The following ENOX1 variants were observed in gnomAD, a reference collection of about 807,000 sequenced individuals.
ENOX1 encodes the protein ecto-NOX disulfide-thiol exchanger 1, also known as candidate growth-related and time keeping constitutive hydroquinone (NADH) oxidase.
A neutral mutation model predicts 82.5 loss-of-function variants in ENOX1; 42 were observed. That is an observed-to-expected ratio of 0.51 (90% CI 0.40 to 0.66). The LOEUF (loss-of-function observed/expected upper bound fraction) is 0.66, where lower values mean the gene tolerates loss of function less well. Among genes scored for constraint, ENOX1 ranks in the 30% least tolerant of loss-of-function variants. The pLI, the probability that ENOX1 is intolerant of heterozygous loss-of-function variation, is 0.00. For synonymous variants in ENOX1, 271 were observed against 282.2 expected, an observed-to-expected ratio of 0.96 and a Z score of 0.40; for missense variants, 608 against 811.6, an observed-to-expected ratio of 0.75 and a Z score of 3.05.
At chr13:43,735,275 A>G (rs2089564353) in intron 1 of ENOX1, among the ~76,000 whole-genome samples, 1 of 152,214 alleles carries the variant, frequency 6.6e-6, no homozygotes, top group Non-Finnish European at 1.5e-5. Context: ...TTCTAAACAG[A>G]CATAAAAAAT....
chr13:43,357,390 T>C (rs188315678), intron 7 of ENOX1, among the ~76,000 whole-genome samples: 6 of 152,272 alleles, frequency 3.9e-5, no homozygotes, highest in African/African-American at 7.2e-5. Context: ...AAATAAGATA[T>C]TGACTTCACA....
intron 2 of ENOX1, among the ~76,000 whole-genome samples, chr13:43,506,289 C>G (rs1362879977): frequency 6.6e-6 from 1 of 151,702 alleles, no homozygotes; most frequent in East Asian, 1.9e-4. Context: ...CAATGAGATA[C>G]CATCTCACAC....
At chr13:43,444,857 T>G (rs1294247115) in intron 3 of ENOX1, among the ~76,000 whole-genome samples, 1 of 152,154 alleles carries the variant, frequency 6.6e-6, no homozygotes, top group East Asian at 1.9e-4. Context: ...GTTTGTTGGA[T>G]CCACGTGCCA....
At chr13:43,541,153 A>G (rs932922723) in intron 2 of ENOX1, among the ~76,000 whole-genome samples, 1 of 128,748 alleles carries the variant, frequency 7.8e-6, no homozygotes, top group African/African-American at 2.8e-5. Context: ...ACACTCTCCA[A>G]CCTTACACTT....
At chr13:43,313,740 T>C (rs1261246006) in intron 11 of ENOX1, among the ~76,000 whole-genome samples, 1 of 152,236 alleles carries the variant, frequency 6.6e-6, no homozygotes, top group Non-Finnish European at 1.5e-5. Flanking sequence ...TAACTGCTTT[T>C]ATCACTTCAC....
intron 2 of ENOX1, chr13:43,546,991 C>T (rs1010546361): frequency 1.3e-5 from 2 of 152,214 alleles, no homozygotes; most frequent in African/African-American, 4.8e-5. Context: ...TGCTTTTCTT[C>T]CCATTTGAGT....
chr13:43,400,112 T>C (rs933673602), intron 5 of ENOX1, among the ~76,000 whole-genome samples: 1 of 152,138 alleles, frequency 6.6e-6, no homozygotes, highest in Non-Finnish European at 1.5e-5. Flanking sequence ...GAGAACTTCC[T>C]TCTCTGTGCC....
At chr13:43,713,245 G>A (rs920374893) in intron 1 of ENOX1, among the ~76,000 whole-genome samples, 10 of 152,140 alleles carry the variant, frequency 6.6e-5, no homozygotes, top group Non-Finnish European at 1.3e-4. Context: ...AACCAGCCTT[G>A]CATCCCATGG....
chr13:43,289,168 T>G (rs923014415), intron 12 of ENOX1, among the ~76,000 whole-genome samples: 1 of 152,186 alleles, frequency 6.6e-6, no homozygotes, highest in Non-Finnish European at 1.5e-5. Context: ...GATTCACCAC[T>G]ATTCCTATCA....
At position 43,315,174 on chromosome 13, in the gene ENOX1, T is replaced by C. The variant is rs12430244; in HGVS notation, c.1261+7210A>G. ...AATGTTATAACACAATTTTGTTTTC[T>C]TCTTTATTCATTATTCTTAGTTGTT... On this transcript the variant is annotated intron_variant, in intron 11 of 16. Transcript: ENST00000690772. Among the ~76,000 whole-genome samples, 694 of 152,368 alleles carry C rather than the reference T, an allele frequency of 4.6e-3. 13 individuals carry two copies. The highest frequency in any genetic ancestry group is 0.037 in the Admixed American group (561 of 15,304).
At chr13:43,292,498 C>G (rs1170809798) in intron 12 of ENOX1, among the ~76,000 whole-genome samples, 3 of 152,114 alleles carry the variant, frequency 2.0e-5, no homozygotes, top group Admixed American at 6.5e-5. Context: ...TCTGGTGACA[C>G]TCTGTGCTCC....
chr13:43,703,016 G>A (rs1379461093), intron 1 of ENOX1, among the ~76,000 whole-genome samples: 1 of 136,844 alleles, frequency 7.3e-6, no homozygotes, highest in African/African-American at 2.7e-5. Context: ...CTTCTGTCAA[G>A]AGAGGACACA....
At chr13:43,421,142 T>C (rs1181956263) in intron 3 of ENOX1, among the ~76,000 whole-genome samples, 1 of 152,160 alleles carries the variant, frequency 6.6e-6, no homozygotes, top group Non-Finnish European at 1.5e-5. Context: ...CAAAGATCAA[T>C]TCAGATAGGG....
chr13:43,619,786 C>T (rs2082643535), intron 2 of ENOX1, among the ~76,000 whole-genome samples: 1 of 152,002 alleles, frequency 6.6e-6, no homozygotes, highest in Non-Finnish European at 1.5e-5. Flanking sequence ...AGGGAGGGTT[C>T]CTTCTTTCTC....
At chr13:43,699,744 T>C (rs1028471908) in intron 1 of ENOX1, among the ~76,000 whole-genome samples, 4 of 152,182 alleles carry the variant, frequency 2.6e-5, no homozygotes, top group African/African-American at 9.7e-5. Flanking sequence ...ACCAAAACCA[T>C]TAATTGTTTT....
At chr13:43,489,001 T>C (rs1004333594) in intron 2 of ENOX1, among the ~76,000 whole-genome samples, 11 of 152,116 alleles carry the variant, frequency 7.2e-5, no homozygotes, top group African/African-American at 2.7e-4. Context: ...CTTGGACATG[T>C]GGAGAATAAA....
intron 5 of ENOX1, among the ~76,000 whole-genome samples, chr13:43,404,962 C>A (rs760391377): frequency 1.1e-4 from 16 of 152,106 alleles, no homozygotes; most frequent in Admixed American, 5.9e-4. Context: ...CTTTAGAGAC[C>A]CCCACTGGTA....
intron 1 of ENOX1, among the ~76,000 whole-genome samples, chr13:43,674,121 G>A (rs2085392831): frequency 6.6e-6 from 1 of 152,190 alleles, no homozygotes; most frequent in Non-Finnish European, 1.5e-5. Context: ...CACCTTAAGA[G>A]TAAAGCTAAA....
chr13:43,316,673 C>T (rs552236279), intron 11 of ENOX1, among the ~76,000 whole-genome samples: 98 of 150,346 alleles, frequency 6.5e-4, no homozygotes, highest in South Asian at 5.5e-3. Context: ...ATATCCATTA[C>T]GGAAAGGGAA....
Sources: gnomAD v4.1 joint callset for allele counts (sites outside exome capture counted in the v4.1 genomes callset) on GRCh38, gnomAD v4.1.1 for gene constraint, MANE v1.5 for transcripts, NCBI Gene and HGNC (gene_info 2026-07-23, HGNC 2026-07-21) for gene names.